The following UST variants were observed in gnomAD, a reference collection of about 807,000 sequenced individuals.
UST encodes the protein chondroitin sulfate 2-O-sulfotransferase.
UST carries 21 observed loss-of-function variants against 45.6 expected under a neutral mutation model. The ratio of observed to expected loss-of-function variants is 0.46; its 90% CI spans 0.33 to 0.66. The LOEUF (loss-of-function observed/expected upper bound fraction) is 0.66, where lower values mean the gene tolerates loss of function less well. Ranked by LOEUF, UST falls within the 30% of genes least tolerant of loss-of-function variation. The pLI, the probability that UST is intolerant of heterozygous loss-of-function variation, is 0.02. For synonymous variants in UST, 215 were observed against 200.6 expected (o/e 1.07, Z -0.61); for missense variants, 463 against 512.4 (o/e 0.90, Z 0.93).
intron 3 of UST, among the ~76,000 whole-genome samples, chr6:148,947,267 C>T (rs1780263815): frequency 6.6e-6 from 1 of 152,120 alleles, no homozygotes; most frequent in African/African-American, 2.4e-5. Context: ...ATGTAAATAA[C>T]TCCCACATGC....
chr6:148,826,888 C>A (rs532633707), intron 1 of UST, among the ~76,000 whole-genome samples: 3 of 152,280 alleles, frequency 2.0e-5, no homozygotes, highest in African/African-American at 7.2e-5. Context: ...ATCTTACTGA[C>A]CCTGCTCCCA....
intron 7 of UST, among the ~76,000 whole-genome samples, chr6:149,050,347 A>T (rs149956226): frequency 6.6e-6 from 1 of 152,352 alleles, no homozygotes; most frequent in Non-Finnish European, 1.5e-5. Context: ...CTATTTTCAT[A>T]TCAAGAACTG....
At chr6:148,754,675 A>G (rs1301138260) in intron 1 of UST, among the ~76,000 whole-genome samples, 1 of 152,196 alleles carries the variant, frequency 6.6e-6, no homozygotes, top group Admixed American at 6.5e-5. Context: ...CCCTTTTCAG[A>G]TATATGATCT....
chr6:148,829,707 T>C (rs780578783), intron 1 of UST, among the ~76,000 whole-genome samples: 10 of 152,184 alleles, frequency 6.6e-5, no homozygotes, highest in African/African-American at 2.2e-4. Context: ...GGGGGTTCAC[T>C]TTTATATATT....
At chr6:148,948,153 T>C (rs1471017124) in intron 3 of UST, among the ~76,000 whole-genome samples, 3 of 152,172 alleles carry the variant, frequency 2.0e-5, no homozygotes, top group Non-Finnish European at 4.4e-5. Flanking sequence ...GGCTACCCCA[T>C]ACTGTGGGAA....
At chr6:148,989,841 T>C (rs539288451) in intron 5 of UST, among the ~76,000 whole-genome samples, 15 of 152,336 alleles carry the variant, frequency 9.8e-5, no homozygotes, top group African/African-American at 2.9e-4. Flanking sequence ...ATTCACATGG[T>C]AAATAACAAA....
At chr6:149,049,929 T>TCACACACACACACA (rs1219672960) in intron 7 of UST, among the ~76,000 whole-genome samples, 3 of 129,818 alleles carry the variant, frequency 2.3e-5, no homozygotes, top group Admixed American at 7.5e-5. Context: ...TCTCTCTCTC[T>TCACACACACACACA]CTCACACACA....
chr6:149,064,893 TAAA>T (rs35820279), intron 7 of UST, among the ~76,000 whole-genome samples: 29 of 149,064 alleles, frequency 1.9e-4, no homozygotes, highest in Admixed American at 6.0e-4. Flanking sequence ...AATCCATTTC[TAAA>T]AAAAAAAAAA....
chr6:148,944,265 A>G (rs1032588041), intron 3 of UST, among the ~76,000 whole-genome samples: 1 of 152,150 alleles, frequency 6.6e-6, no homozygotes, highest in African/African-American at 2.4e-5. Flanking sequence ...ATTCCACTTC[A>G]GGTGCAGTAT....
intron 5 of UST, among the ~76,000 whole-genome samples, chr6:148,965,938 A>G (rs1226649866): frequency 9.7e-6 from 1 of 103,612 alleles, no homozygotes; most frequent in Non-Finnish European, 1.9e-5. Context: ...TTTATAGGTT[A>G]TGAGGCCGGG....
At chr6:148,810,525 G>A (rs1283646470) in intron 1 of UST, among the ~76,000 whole-genome samples, 1 of 152,104 alleles carries the variant, frequency 6.6e-6, no homozygotes, top group African/African-American at 2.4e-5. Flanking sequence ...ATTACTGCAT[G>A]GCTATTATTA....
chr6:149,068,515 A>G (rs1776774135), intron 7 of UST, among the ~76,000 whole-genome samples: 1 of 152,250 alleles, frequency 6.6e-6, no homozygotes, highest in South Asian at 2.1e-4. Context: ...AGGCTCAGCC[A>G]GGACTGTCAC....
At chr6:148,833,842 A>C (rs1269349227) in intron 1 of UST, among the ~76,000 whole-genome samples, 3 of 152,206 alleles carry the variant, frequency 2.0e-5, no homozygotes, top group African/African-American at 7.2e-5. Flanking sequence ...CAAAAAGGTT[A>C]AAGGGAAAAA....
In UST at chr6:148,901,198, G is replaced by A. The variant is rs151172655; in HGVS notation, c.291+14169G>A. 2.1e-3 allele frequency among the ~76,000 whole-genome samples: 314 copies of A among 152,298 alleles called. 1 individual carries two copies. The highest frequency in any genetic ancestry group is 7.4e-3 in the African/African-American group (308 of 41,554). On this transcript the variant is annotated intron_variant, in intron 2 of 7. Coordinates refer to ENST00000367463, the MANE Select transcript of UST (RefSeq NM_005715.3). Reference sequence around the variant, plus strand: ...GCCTCCAGTAGCTTCTCAAGAACAGGCGCATGGGACAGAAGTCATCTGAAA... The same window carrying A: ...GCCTCCAGTAGCTTCTCAAGAACAGACGCATGGGACAGAAGTCATCTGAAA...
chr6:148,930,532 G>A (rs1440957471), intron 2 of UST, among the ~76,000 whole-genome samples: 2 of 152,148 alleles, frequency 1.3e-5, no homozygotes, highest in African/African-American at 4.8e-5. Context: ...TCAATATTCT[G>A]TGCCACCTTT....
chr6:148,896,378 G>A (rs936505186), intron 2 of UST, among the ~76,000 whole-genome samples: 2 of 146,622 alleles, frequency 1.4e-5, no homozygotes, highest in Non-Finnish European at 3.1e-5. Context: ...ACAAAATTGT[G>A]TTGTGTGCAG....
intron 2 of UST, among the ~76,000 whole-genome samples, chr6:148,923,036 G>C (rs540090675): frequency 2.5e-4 from 38 of 152,160 alleles, no homozygotes; most frequent in African/African-American, 8.4e-4. Flanking sequence ...GGCCTCAAGT[G>C]ATCCACCCAT....
chr6:148,956,696 G>C (rs1278315059), intron 4 of UST, among the ~76,000 whole-genome samples: 1 of 152,188 alleles, frequency 6.6e-6, no homozygotes, highest in African/African-American at 2.4e-5. Context: ...CTTGAGGACA[G>C]GGCTGGGCTC....
At chr6:148,842,083 G>A (rs969863547) in intron 1 of UST, among the ~76,000 whole-genome samples, 1 of 152,158 alleles carries the variant, frequency 6.6e-6, no homozygotes, top group Non-Finnish European at 1.5e-5. Context: ...TTGAGCCTGG[G>A]TGACAGAGTG....
Sources: gnomAD v4.1 joint callset for allele counts (sites outside exome capture counted in the v4.1 genomes callset) on GRCh38, gnomAD v4.1.1 for gene constraint, MANE v1.5 for transcripts, NCBI Gene and HGNC (gene_info 2026-07-23, HGNC 2026-07-21) for gene names.